Variants in ZFPM2 observed in about 807,000 individuals in gnomAD.
ZFPM2 encodes the protein zinc finger protein, FOG family member 2, also known as zinc finger protein ZFPM2.
ZFPM2 carries 20 observed loss-of-function variants against 98.6 expected under a neutral mutation model. That is an observed-to-expected ratio of 0.20 (90% CI 0.14 to 0.29). The LOEUF (loss-of-function observed/expected upper bound fraction) is 0.29, where lower values mean the gene tolerates loss of function less well. Ranked by LOEUF, ZFPM2 falls within the 10% of genes least tolerant of loss-of-function variation. The pLI is 1.00. For synonymous variants in ZFPM2, 518 were observed against 502.7 expected (o/e 1.03, Z -0.41); for missense variants, 1,310 against 1,388.6 (o/e 0.94, Z 0.90).
chr8:105,454,993 G>A (rs1373951842), intron 3 of ZFPM2, among the ~76,000 whole-genome samples: 4 of 152,144 alleles, frequency 2.6e-5, no homozygotes, highest in African/African-American at 7.2e-5. Context: ...TCCAAGGATC[G>A]TGGGTTACTA....
At chr8:105,649,715 A>G (rs10107258) in intron 5 of ZFPM2, among the ~76,000 whole-genome samples, 1 of 152,056 alleles carries the variant, frequency 6.6e-6, no homozygotes, top group Admixed American at 6.5e-5. Context: ...CCAGCCTTGC[A>G]TCCCAGGGAT....
At chr8:105,709,491 T>A (rs1811331469) in intron 5 of ZFPM2, among the ~76,000 whole-genome samples, 1 of 152,122 alleles carries the variant, frequency 6.6e-6, no homozygotes, top group South Asian at 2.1e-4. Flanking sequence ...AGAGATATCT[T>A]AGCTCCCAGG....
intron 1 of ZFPM2, among the ~76,000 whole-genome samples, chr8:105,416,312 C>A (rs2130065026): frequency 6.6e-6 from 1 of 151,372 alleles, no homozygotes; most frequent in Admixed American, 6.6e-5. Context: ...ACTATTGAAG[C>A]CAATTTGTTG....
chr8:105,384,796 T>G (rs2129897622), intron 1 of ZFPM2, among the ~76,000 whole-genome samples: 1 of 152,298 alleles, frequency 6.6e-6, no homozygotes. Flanking sequence ...CTCTGGAACT[T>G]AGACGAAACC....
At chr8:105,564,948 T>C (rs1482605889) in intron 4 of ZFPM2, among the ~76,000 whole-genome samples, 2 of 152,124 alleles carry the variant, frequency 1.3e-5, no homozygotes, top group African/African-American at 2.4e-5. Flanking sequence ...TTCCTTATAA[T>C]AAAATATATA....
chr8:105,353,368 C>T (rs1211749305), intron 1 of ZFPM2, among the ~76,000 whole-genome samples: 1 of 152,132 alleles, frequency 6.6e-6, no homozygotes, highest in Non-Finnish European at 1.5e-5. Context: ...GACTGGTTAT[C>T]ACCATATTCT....
At chr8:105,419,073 T>C (rs1036144287) in intron 1 of ZFPM2, 71 bp from the exon 2 acceptor site, 22 of 1,475,406 alleles carry the variant, frequency 1.5e-5, no homozygotes, top group African/African-American at 2.8e-5. Context: ...AAAAAAAGGC[T>C]CTATTTAAGG....
chr8:105,652,156 C>T (rs1396050811), intron 5 of ZFPM2, among the ~76,000 whole-genome samples: 1 of 151,374 alleles, frequency 6.6e-6, no homozygotes, highest in Non-Finnish European at 1.5e-5. Flanking sequence ...TTTGGACCCA[C>T]TTTACTGGTA....
intron 1 of ZFPM2, among the ~76,000 whole-genome samples, chr8:105,372,261 C>T (rs1810638473): frequency 6.6e-6 from 1 of 151,874 alleles, no homozygotes; most frequent in South Asian, 2.1e-4. Context: ...CCAGGATGGT[C>T]TTGATCTGCT....
chr8:105,403,469 A>G (rs1157721374), intron 1 of ZFPM2, among the ~76,000 whole-genome samples: 4 of 151,996 alleles, frequency 2.6e-5, no homozygotes, highest in Non-Finnish European at 4.4e-5. Flanking sequence ...TTCTTTTCTT[A>G]TGTTTTGTTT....
intron 1 of ZFPM2, among the ~76,000 whole-genome samples, chr8:105,403,061 G>A (rs1811371585): frequency 1.3e-5 from 2 of 152,082 alleles, no homozygotes; most frequent in African/African-American, 2.4e-5. Flanking sequence ...GTTTAGAAAG[G>A]TAGACTGGGG....
chr8:105,404,037 C>CA (rs1811392749), intron 1 of ZFPM2, among the ~76,000 whole-genome samples: 1 of 151,044 alleles, frequency 6.6e-6, no homozygotes, highest in Non-Finnish European at 1.5e-5. Context: ...ACAACAACAA[C>CA]AACAACAGCA....
At chr8:105,497,079 G>A (rs1432728495) in intron 3 of ZFPM2, among the ~76,000 whole-genome samples, 3 of 151,376 alleles carry the variant, frequency 2.0e-5, no homozygotes, top group Admixed American at 2.0e-4. Context: ...TCCGCCTCCA[G>A]GGTTCACACC....
At chr8:105,330,596 AT>A (rs1812205400) in intron 1 of ZFPM2, among the ~76,000 whole-genome samples, 1 of 17,788 alleles carries the variant, frequency 5.6e-5, no homozygotes, top group African/African-American at 3.2e-4. Flanking sequence ...ATATATATAC[AT>A]ATATATATAT....
At chr8:105,428,092 A>G (rs1472887149) in intron 2 of ZFPM2, among the ~76,000 whole-genome samples, 1 of 152,246 alleles carries the variant, frequency 6.6e-6, no homozygotes, top group East Asian at 1.9e-4. Flanking sequence ...TAATAAAAAT[A>G]GAGAACTAAT....
chr8:105,538,076 A>G (rs1387131109), intron 3 of ZFPM2, among the ~76,000 whole-genome samples: 1 of 152,160 alleles, frequency 6.6e-6, no homozygotes, highest in Admixed American at 6.5e-5. Flanking sequence ...TTTAAACAGT[A>G]GAGGTACATT....
chr8:105,326,440 G>C (rs1413026357), intron 1 of ZFPM2, among the ~76,000 whole-genome samples: 2 of 151,760 alleles, frequency 1.3e-5, no homozygotes, highest in Middle Eastern at 3.4e-3. Context: ...AATGTTTGTA[G>C]ATTGGGGAAC....
chr8:105,610,581 A>C (rs1816288369), intron 4 of ZFPM2, among the ~76,000 whole-genome samples: 1 of 152,202 alleles, frequency 6.6e-6, no homozygotes, highest in Non-Finnish European at 1.5e-5. Flanking sequence ...GCCAAATTGC[A>C]TTAAACTCTC....
intron 5 of ZFPM2, among the ~76,000 whole-genome samples, chr8:105,741,701 T>C (rs1812218643): frequency 6.6e-6 from 1 of 152,148 alleles, no homozygotes; most frequent in Non-Finnish European, 1.5e-5. Flanking sequence ...TGGAGTTGGA[T>C]AGGGAAATGT....
Sources: gnomAD v4.1 joint callset for allele counts (sites outside exome capture counted in the v4.1 genomes callset) on GRCh38, gnomAD v4.1.1 for gene constraint, MANE v1.5 for transcripts, NCBI Gene and HGNC (gene_info 2026-07-23, HGNC 2026-07-21) for gene names.